FBXO38: variants seen among roughly 807,000 people sequenced by gnomAD.
FBXO38 encodes the protein F-box protein 38, also known as F-box only protein 38.
A neutral mutation model predicts 131.9 loss-of-function variants in FBXO38; 53 were observed. The ratio of observed to expected loss-of-function variants is 0.40; its 90% CI spans 0.32 to 0.51. The LOEUF (loss-of-function observed/expected upper bound fraction) is 0.51, where lower values mean the gene tolerates loss of function less well. FBXO38 is among the 20% of genes least tolerant of loss of function. The probability of loss-of-function intolerance (pLI) is 0.53; values close to 1 mark genes in which losing one functional copy is unlikely to be tolerated. For synonymous variants in FBXO38, 452 were observed against 505.6 expected (o/e 0.89, Z 1.42); for missense variants, 1,076 against 1,475.6 (o/e 0.73, Z 4.44).
intron 4 of FBXO38, 45 bp from the exon 5 acceptor site, chr5:148,402,303 T>C (rs923418497): frequency 6.4e-7 from 1 of 1,570,480 alleles, no homozygotes; most frequent in Admixed American, 1.8e-5. Flanking sequence ...CTTTGGATGC[T>C]AAACTAAAGT....
intron 12 of FBXO38, among the ~76,000 whole-genome samples, chr5:148,420,126 G>T (rs1002338300): frequency 1.4e-5 from 2 of 146,046 alleles, no homozygotes; most frequent in East Asian, 4.0e-4. Context: ...TTTTTTGTGG[G>T]GTTTTTTTTT....
chr5:148,384,131 TC>T (rs1333596700), intron 1 of FBXO38, 92 bp downstream of exon 1: 5 of 152,692 alleles, frequency 3.3e-5, no homozygotes, highest in Admixed American at 3.3e-4. Context: ...GGGTGGGGAT[TC>T]TGGAACTTCC....
intron 12 of FBXO38, among the ~76,000 whole-genome samples, chr5:148,418,828 C>T (rs1753225444): frequency 6.6e-6 from 1 of 152,126 alleles, no homozygotes; most frequent in African/African-American, 2.4e-5. Context: ...AGAATGCCTG[C>T]CATTGTGAAA....
At chr5:148,402,183 T>G (rs762777879) in intron 4 of FBXO38, 38 bp downstream of exon 4, 2 of 1,586,180 alleles carry the variant, frequency 1.3e-6, no homozygotes, top group East Asian at 2.3e-5. Context: ...CATCAACTGT[T>G]TATGAAATAA....
At chr5:148,422,680 A>G (rs1156377460) in intron 12 of FBXO38, among the ~76,000 whole-genome samples, 3 of 152,240 alleles carry the variant, frequency 2.0e-5, no homozygotes, top group South Asian at 2.1e-4. Context: ...CGTTTAAACA[A>G]CTTTTGGGTA....
At chr5:148,440,348 T>C (rs1267077831) in intron 19 of FBXO38, 76 bp from the exon 20 acceptor site, 2 of 878,434 alleles carry the variant, frequency 2.3e-6, no homozygotes, top group Non-Finnish European at 3.8e-6. Context: ...CGAAACAGTT[T>C]TGATGGTTCC....
chr5:148,409,118 C>T lies in FBXO38; in HGVS notation c.869-6C>T. The T allele has an allele frequency of 6.3e-7, 1 of 1,584,512 alleles. No homozygotes were observed. The highest frequency in any genetic ancestry group is 8.7e-7 in the Non-Finnish European group (1 of 1,153,158). ...TCAAACACTTGTTTTTGTTCCTCGT[C>T]TTTAGGTGGTTTTAGAAATTTGCAC... On this transcript the variant is annotated splice_polypyrimidine_tract_variant and splice_region_variant and intron_variant, in intron 7 of 21. Transcript: ENST00000340253.
intron 12 of FBXO38, among the ~76,000 whole-genome samples, chr5:148,418,572 A>G (rs1015199341): frequency 6.6e-6 from 1 of 152,194 alleles, no homozygotes; most frequent in Non-Finnish European, 1.5e-5. Flanking sequence ...TGTTAAGGGA[A>G]AGAGAGGGCG....
intron 10 of FBXO38, among the ~76,000 whole-genome samples, chr5:148,415,153 A>G (rs1259966472): frequency 5.9e-5 from 9 of 152,340 alleles, no homozygotes; most frequent in African/African-American, 2.2e-4. Context: ...TTATTGGGAA[A>G]TATGAACTTT....
rs762999001 is a variant in FBXO38 at position 148,424,020 on chromosome 5, C to A, written c.1641C>A (p.Ile547=). ...AADALNEMED[I]VQEDGEVVAE... is the part of the protein sequence containing the mutation. ...AAGCATTAAATGAGATGGAAGACAT[C>A]GTCCAAGAAGATGGAGAGGTGGTGG... The change falls in exon 13 of 22, where the codon ATC becomes ATA. Residue 547 remains isoleucine, a synonymous_variant. Transcript: ENST00000340253. 1 of 1,612,614 alleles carries A rather than the reference C, an allele frequency of 6.2e-7. No homozygotes were observed. The highest frequency in any genetic ancestry group is 1.1e-5 in the South Asian group (1 of 90,872).
At chr5:148,393,032 G>C (rs1378641224) in intron 1 of FBXO38, among the ~76,000 whole-genome samples, 1 of 151,968 alleles carries the variant, frequency 6.6e-6, no homozygotes, top group Admixed American at 6.6e-5. Context: ...TTTTCCGGAG[G>C]CCTCTTAGCC....
At chr5:148,402,655 A>C in intron 5 of FBXO38, 142 bp downstream of exon 5, 1 of 716,878 alleles carries the variant, frequency 1.4e-6, no homozygotes, top group East Asian at 2.9e-5. Context: ...GATCTGTATA[A>C]AAATTCCGAT....
chr5:148,402,659 T>A (rs1752221637), intron 5 of FBXO38, 146 bp downstream of exon 5: 1 of 678,912 alleles, frequency 1.5e-6, no homozygotes, highest in Non-Finnish European at 2.3e-6. Flanking sequence ...TGTATAAAAA[T>A]TCCGATTTCC....
At chr5:148,387,191 C>T (rs553159796) in intron 1 of FBXO38, among the ~76,000 whole-genome samples, 1 of 152,072 alleles carries the variant, frequency 6.6e-6, no homozygotes, top group East Asian at 1.9e-4. Flanking sequence ...CTGGTGCTGC[C>T]GTATCAACTG....
chr5:148,414,354 A>G lies in FBXO38; in HGVS notation c.1264+48A>G, dbSNP rs774184620. ...GCTATGTTTTATTGATACTGAAATA[A>G]TACAACTTTCCATGTTTTCTATGTG... On this transcript the variant is annotated intron_variant, in intron 10 of 21. Transcript: ENST00000340253. 3 of 1,404,838 alleles carry G rather than the reference A, an allele frequency of 2.1e-6. No individual in the cohort carries two copies. The African/African-American group carries it at 4.4e-5, about 20-fold the overall frequency. The allele number at this position is 1,404,838 out of a possible 1,614,324, so 87.0% of individuals were successfully genotyped here.
rs553942484 is a variant in FBXO38, at chr5:148,410,485, T to C, written c.963-150T>C. 140 of 921,928 alleles carry C rather than the reference T, an allele frequency of 1.5e-4. 1 individual carries two copies. In the African/African-American group the frequency reaches 2.1e-3, roughly 14 times the overall value. 57.1% of individuals were successfully genotyped at this position (921,928 alleles called of 1,614,324 possible). ...TGAGGCCTCCCCAGCCATGTGGAAC[T>C]GTGAGTCCATTAAAACCTCTTTTTC... On this transcript the variant is annotated intron_variant, in intron 8 of 21. Coordinates refer to ENST00000340253, the MANE Select transcript of FBXO38 (RefSeq NM_205836.3).
Position 148,442,011 on chromosome 5 carries a change from A to G in FBXO38, c.3431A>G (p.Asp1144Gly). The change falls in exon 22 of 22, where the codon GAC (aspartate) becomes GGC (glycine). Residue 1144 changes from aspartate to glycine, a missense_variant. By Grantham distance (94) the Asp-to-Gly change is moderately conservative. Around this residue, in one of 8 missense-constraint regions of FBXO38, gnomAD observed 282 missense variants for 418.8 expected, o/e 0.67. Transcript: ENST00000340253. The part of the protein sequence containing the change: ...APRRKGQLSA[D>G]ICMETIGEEI... The stretch of plus-strand genomic sequence containing the variant: ...AGAAGGAAAGGACAGCTGTCTGCAG[A>G]CATCTGTATGGAAACAATAGGAGAG... The G allele has an allele frequency of 6.2e-7, 1 of 1,614,162 alleles. No individual in the cohort carries two copies. The highest frequency in any genetic ancestry group is 8.5e-7 in the Non-Finnish European group (1 of 1,179,980).
chr5:148,404,398 A>G (rs1464311725), intron 5 of FBXO38, among the ~76,000 whole-genome samples: 4 of 152,200 alleles, frequency 2.6e-5, no homozygotes, highest in East Asian at 3.8e-4. Context: ...GAGTTGTAAG[A>G]TTATGAGAAA....
intron 13 of FBXO38, among the ~76,000 whole-genome samples, chr5:148,424,726 T>G (rs1172140165): frequency 1.3e-5 from 2 of 152,236 alleles, no homozygotes; most frequent in East Asian, 3.8e-4. Flanking sequence ...CCTGTTAGAA[T>G]GCTACCTTGT....
Sources: gnomAD v4.1 joint callset for allele counts (sites outside exome capture counted in the v4.1 genomes callset) on GRCh38, gnomAD v4.1.1 for gene constraint, gnomAD v4.1.1 regional missense constraint, MANE v1.5 for transcripts, NCBI Gene and HGNC (gene_info 2026-07-23, HGNC 2026-07-21) for gene names.